Variants in PRCC observed in about 807,000 individuals in gnomAD.
The protein encoded by PRCC is proline rich mitotic checkpoint control factor.
PRCC carries 10 observed loss-of-function variants against 44.0 expected under a neutral mutation model. The ratio of observed to expected loss-of-function variants is 0.23; its 90% CI spans 0.14 to 0.39. PRCC has a LOEUF of 0.39. Among genes scored for constraint, PRCC ranks in the 10% least tolerant of loss-of-function variants. The pLI, the probability that PRCC is intolerant of heterozygous loss-of-function variation, is 1.00. For synonymous variants in PRCC, 278 were observed against 259.5 expected, an observed-to-expected ratio of 1.07 and a Z score of -0.69; for missense variants, 573 against 624.7, an observed-to-expected ratio of 0.92 and a Z score of 0.88.
At position 156,800,388 on chromosome 1, in the gene PRCC, G is replaced by A; in HGVS notation, c.1404G>A (p.Glu468=). Residue 468 remains glutamate (E), a synonymous_variant, in exon 7 of 7, where the codon GAG becomes GAA. Transcript: ENST00000271526. ...CCTTGCCACAGGCCAAGGAGCGGGA[G>A]CTGGAACTGAAGAACACCTGGTCAG... ...TYLIHQAKER[E]LELKNTWSEN... is the part of the protein sequence containing the mutation. 1.9e-6 allele frequency: 3 copies of A among 1,614,174 alleles called. No homozygotes were observed. Among genetic ancestry groups the A allele is most frequent in the South Asian group, 1.1e-5 (1 of 91,088 alleles).
chr1:156,787,450 G>GAGATATATATAT (rs1652300522), intron 3 of PRCC, among the ~76,000 whole-genome samples: 1 of 124,930 alleles, frequency 8.0e-6, no homozygotes, highest in African/African-American at 3.2e-5. Flanking sequence ...ATTTGTGATT[G>GAGATATATATAT]ATATATATAT....
chr1:156,773,521 T>C (rs1651709473), intron 1 of PRCC, among the ~76,000 whole-genome samples: 1 of 152,164 alleles, frequency 6.6e-6, no homozygotes, highest in African/African-American at 2.4e-5. Context: ...TCAAAACCAA[T>C]GTGTGCCTAT....
At position 156,775,986 on chromosome 1, in the gene PRCC, G is replaced by C. The variant is rs184611085; in HGVS notation, c.469-6296G>C. Reference sequence around the variant, plus strand: ...TCATTTTTGAAGTTGTCATTTTAGTGTTCTGTTTCAGGGAGTCTGTCATTT... The same window carrying C: ...TCATTTTTGAAGTTGTCATTTTAGTCTTCTGTTTCAGGGAGTCTGTCATTT... On this transcript the variant is annotated intron_variant, in intron 1 of 6. Coordinates refer to ENST00000271526, the MANE Select transcript of PRCC (RefSeq NM_005973.5). 1.0e-3 allele frequency among the ~76,000 whole-genome samples: 153 copies of C among 152,272 alleles called. 1 individual carries two copies. The highest frequency in any genetic ancestry group is 3.4e-3 in the African/African-American group (142 of 41,576).
chr1:156,785,406 C>T (rs538405932), intron 2 of PRCC, among the ~76,000 whole-genome samples: 3 of 151,824 alleles, frequency 2.0e-5, no homozygotes, highest in South Asian at 2.1e-4. Context: ...CCCAGCTACT[C>T]GGGAGGCTGA....
intron 3 of PRCC, among the ~76,000 whole-genome samples, chr1:156,789,627 A>C (rs1369083724): frequency 6.6e-6 from 1 of 152,184 alleles, no homozygotes; most frequent in African/African-American, 2.4e-5. Flanking sequence ...GAGAATAAAA[A>C]AATTAATAAT....
intron 5 of PRCC, chr1:156,795,957 C>T (rs894489389): frequency 6.6e-6 from 1 of 152,250 alleles, no homozygotes; most frequent in Non-Finnish European, 1.5e-5. Context: ...TTTTCCTCCC[C>T]CCATTTGCTT....
intron 3 of PRCC, 116 bp downstream of exon 3, chr1:156,787,290 A>G: frequency 1.7e-6 from 2 of 1,169,018 alleles, no homozygotes; most frequent in Non-Finnish European, 2.4e-6. Context: ...AACCTTCTCT[A>G]TTTATTAGGC....
intron 1 of PRCC, among the ~76,000 whole-genome samples, chr1:156,770,331 G>A (rs958220816): frequency 1.3e-5 from 2 of 152,220 alleles, no homozygotes; most frequent in Admixed American, 1.3e-4. Context: ...CCTGCAGAAA[G>A]GTAGCCTAAG....
At chr1:156,785,779 T>C (rs983310216) in intron 2 of PRCC, among the ~76,000 whole-genome samples, 2 of 150,538 alleles carry the variant, frequency 1.3e-5, no homozygotes, top group African/African-American at 4.9e-5. Context: ...GGGGTCTCGC[T>C]CAGGGTTAGC....
rs370031996 is a variant in PRCC, at chr1:156,800,463, C to A, written c.*3C>A. Reference sequence around the variant, plus strand: ...CCCAAGCCAAATATGGATTCTAGGGCTCTGGAACTGATTGCTCCCAGGATC... The same window carrying A: ...CCCAAGCCAAATATGGATTCTAGGGATCTGGAACTGATTGCTCCCAGGATC... On this transcript the variant is annotated 3_prime_UTR_variant, in exon 7 of 7. Coordinates refer to ENST00000271526, the MANE Select transcript of PRCC (RefSeq NM_005973.5). The A allele has an allele frequency of 3.7e-6, 6 of 1,613,978 alleles. No homozygotes were observed. Among genetic ancestry groups the A allele is most frequent in the African/African-American group, 1.3e-5 (1 of 74,932 alleles).
Position 156,768,010 on chromosome 1 carries a change from C to G in PRCC, c.239C>G (p.Pro80Arg), listed in dbSNP as rs1047639389. 1 of 1,570,262 alleles carries G rather than the reference C, an allele frequency of 6.4e-7. No individual in the cohort carries two copies. Among genetic ancestry groups the G allele is most frequent in the African/African-American group, 1.3e-5 (1 of 74,138 alleles). The change falls in exon 1 of 7, where the codon CCT becomes CGT. Residue 80 changes from proline (P) to arginine (R), a missense_variant. Physicochemically the swap from Pro to Arg is moderately radical, Grantham distance 103. Around this residue, in one of 4 missense-constraint regions of PRCC, gnomAD observed 245 missense variants for 188.5 expected, o/e 1.30. Transcript: ENST00000271526. ...ACCGGAGACCCCAGGCTTCAGCCTC[C>G]TCCCCCCTTGCCCTTCGGCCTGGGA... The part of the protein sequence containing the change: ...PPTGDPRLQP[P>R]PPLPFGLGGF...
Position 156,800,471 on chromosome 1 carries a change from C to G in PRCC, c.*11C>G, listed in dbSNP as rs760655970. ...AAATATGGATTCTAGGGCTCTGGAA[C>G]TGATTGCTCCCAGGATCTCCTGCCA... On this transcript the variant is annotated 3_prime_UTR_variant, in exon 7 of 7. Transcript: ENST00000271526. The G allele has an allele frequency of 6.2e-7, 1 of 1,613,994 alleles. No individual in the cohort carries two copies. Among genetic ancestry groups the G allele is most frequent in the Non-Finnish European group, 8.5e-7 (1 of 1,179,872 alleles).
At chr1:156,794,525 G>GC (rs1652594431) in intron 4 of PRCC, 140 bp from the exon 5 acceptor site, 2 of 988,034 alleles carry the variant, frequency 2.0e-6, no homozygotes, top group Non-Finnish European at 2.9e-6. Flanking sequence ...TTGGTAGATG[G>GC]CAGGGTGAAA....
chr1:156,786,416 G>A (rs1039086119), intron 2 of PRCC, among the ~76,000 whole-genome samples, 192 bp from the exon 3 acceptor site: 3 of 152,182 alleles, frequency 2.0e-5, no homozygotes, highest in Non-Finnish European at 4.4e-5. Context: ...GAAGCAGCCC[G>A]CAGAAAGGCC....
intron 4 of PRCC, 126 bp downstream of exon 4, chr1:156,791,918 A>G: frequency 2.4e-6 from 2 of 834,588 alleles, no homozygotes; most frequent in Non-Finnish European, 3.7e-6. Flanking sequence ...TAGGTTGGCA[A>G]CATGTAATGG....
intron 6 of PRCC, among the ~76,000 whole-genome samples, chr1:156,798,778 G>A (rs1253498448): frequency 6.6e-6 from 1 of 151,438 alleles, no homozygotes; most frequent in Admixed American, 6.6e-5. Flanking sequence ...GAACCCGGGA[G>A]GTGGAGGTTG....
At position 156,786,901 on chromosome 1, in the gene PRCC, A is replaced by G; in HGVS notation, c.810A>G (p.Glu270=). The change falls in exon 3 of 7, where the codon GAA becomes GAG. Residue 270 remains glutamate (E), a synonymous_variant. Coordinates refer to ENST00000271526, the MANE Select transcript of PRCC (RefSeq NM_005973.5). The part of the protein sequence containing the change: ...ITQEEDDSDE[E]VAPENFFSLP... The stretch of plus-strand genomic sequence containing the variant: ...AGGAAGAAGACGACAGTGATGAGGA[A>G]GTAGCCCCCGAAAACTTTTTCTCCC... The G allele has an allele frequency of 1.2e-6, 2 of 1,614,252 alleles. No homozygotes were observed. The highest frequency in any genetic ancestry group is 1.7e-6 in the Non-Finnish European group (2 of 1,180,044).
At position 156,787,029 on chromosome 1, in the gene PRCC, A is replaced by G. The variant is rs148803856; in HGVS notation, c.938A>G (p.Gln313Arg). The G allele has an allele frequency of 1.1e-5, 17 of 1,614,112 alleles. No homozygotes were observed. In the African/African-American group the frequency reaches 1.9e-4, roughly 18 times the overall value. ...PPGTEPEPAF[Q>R]DDAANAPLEF... Reference sequence around the variant, plus strand: ...GGCACGGAACCAGAGCCGGCTTTCCAGGACGATGCAGCCAATGCCCCCCTT... The same window carrying G: ...GGCACGGAACCAGAGCCGGCTTTCCGGGACGATGCAGCCAATGCCCCCCTT... Residue 313 changes from glutamine to arginine, a missense_variant, in exon 3 of 7, where the codon CAG (glutamine) becomes CGG (arginine). Transcript: ENST00000271526.
intron 4 of PRCC, among the ~76,000 whole-genome samples, chr1:156,792,798 A>C (rs11589028): frequency 0.26 from 39,335 of 152,062 alleles, 5,225 homozygotes; most frequent in Middle Eastern, 0.34. Context: ...GTAATGTTTT[A>C]TTAGTTGTGT....
Sources: gnomAD v4.1 joint callset for allele counts (sites outside exome capture counted in the v4.1 genomes callset) on GRCh38, gnomAD v4.1.1 for gene constraint, gnomAD v4.1.1 regional missense constraint, MANE v1.5 for transcripts, NCBI Gene and HGNC (gene_info 2026-07-23, HGNC 2026-07-21) for gene names.